The following ABCA12 variants were observed in gnomAD, a reference collection of about 807,000 sequenced individuals.
The protein encoded by ABCA12 is glucosylceramide transporter ABCA12.
In ABCA12, 156 loss-of-function variants were observed where a neutral mutation model predicts 293.5. The ratio of observed to expected loss-of-function variants is 0.53; its 90% CI spans 0.47 to 0.61. The LOEUF (loss-of-function observed/expected upper bound fraction) is 0.61, where lower values mean the gene tolerates loss of function less well. Among genes scored for constraint, ABCA12 ranks in the 20% least tolerant of loss-of-function variants. ABCA12 has a pLI of 0.00. For synonymous variants in ABCA12, 1,063 were observed against 1,108.0 expected, an observed-to-expected ratio of 0.96 and a Z score of 0.81; for missense variants, 2,797 against 3,090.2, an observed-to-expected ratio of 0.91 and a Z score of 2.25.
chr2:215,090,085 C>T (rs181031317), intron 2 of ABCA12, among the ~76,000 whole-genome samples: 2 of 152,282 alleles, frequency 1.3e-5, no homozygotes, highest in East Asian at 3.9e-4. Flanking sequence ...CAGAAGCTCT[C>T]CCACTGAGCT....
At chr2:214,958,142 A>T in intron 41 of ABCA12, 135 bp downstream of exon 41, 1 of 1,213,692 alleles carries the variant, frequency 8.2e-7, no homozygotes, top group Non-Finnish European at 1.2e-6. Context: ...GCCTGACTCA[A>T]GTCATTTTCT....
At chr2:214,941,781 CT>C (rs57664683) in intron 50 of ABCA12, among the ~76,000 whole-genome samples, 47 of 144,780 alleles carry the variant, frequency 3.2e-4, no homozygotes, top group Middle Eastern at 3.6e-3. Flanking sequence ...GCAACCCCTG[CT>C]TTTTTTTTTT....
chr2:215,057,319 A>C (rs556282174), intron 3 of ABCA12, among the ~76,000 whole-genome samples: 20 of 152,168 alleles, frequency 1.3e-4, no homozygotes, highest in African/African-American at 4.6e-4. Flanking sequence ...CCCTGTCATC[A>C]TAGGTACTCA....
intron 1 of ABCA12, among the ~76,000 whole-genome samples, chr2:215,116,348 G>T (rs375606218): frequency 1.3e-5 from 2 of 151,988 alleles, no homozygotes; most frequent in Non-Finnish European, 2.9e-5. Flanking sequence ...TTCAATACTC[G>T]ACATAGCTAA....
intron 39 of ABCA12, chr2:214,962,917 T>G (rs997903937): frequency 3.9e-5 from 6 of 152,092 alleles, no homozygotes; most frequent in Non-Finnish European, 8.8e-5. Flanking sequence ...GCAGCTAAAG[T>G]AGTGTTAAGA....
intron 37 of ABCA12, among the ~76,000 whole-genome samples, chr2:214,969,454 G>T (rs1365091367): frequency 6.6e-6 from 1 of 152,002 alleles, no homozygotes; most frequent in African/African-American, 2.4e-5. Context: ...GAATAATCTT[G>T]TGACTGTCAT....
At chr2:215,010,235 TAGAA>T (rs1241973576) in intron 18 of ABCA12, 92 bp downstream of exon 18, 1 of 1,437,118 alleles carries the variant, frequency 7.0e-7, no homozygotes, top group African/African-American at 1.4e-5. Context: ...GTAGGTAAGA[TAGAA>T]AGAAATCAGT....
chr2:215,134,351 T>C lies in ABCA12; in HGVS notation c.69+3789A>G, dbSNP rs538414956. ...ATATGTACATATATATGTATATGTG[T>C]ATATATGTATATGTGTATATATGTA... is the stretch of plus-strand genomic sequence containing the variant. On this transcript the variant is annotated intron_variant, in intron 1 of 52. Coordinates refer to ENST00000272895, the MANE Select transcript of ABCA12 (RefSeq NM_173076.3). Among the ~76,000 whole-genome samples, 22 of 144,388 alleles carry C rather than the reference T, an allele frequency of 1.5e-4. No individual in the cohort carries two copies. In the East Asian group the frequency reaches 3.7e-3, roughly 24 times the overall value. The allele number at this position is 144,388 out of a possible 152,430, so 94.7% of individuals were successfully genotyped here. A position where few individuals can be genotyped will look rare whatever the true frequency, so the allele number is the denominator to read the frequency against.
At chr2:214,992,636 C>T (rs1310550934) in intron 23 of ABCA12, among the ~76,000 whole-genome samples, 3 of 147,416 alleles carry the variant, frequency 2.0e-5, no homozygotes, top group Non-Finnish European at 3.0e-5. Context: ...CTGAGGCAAG[C>T]GGATCACCTG....
intron 2 of ABCA12, among the ~76,000 whole-genome samples, chr2:215,070,674 G>A (rs1701719977): frequency 6.6e-6 from 1 of 151,250 alleles, no homozygotes; most frequent in African/African-American, 2.4e-5. Flanking sequence ...TGAGAATGAT[G>A]ATTAAAAATT....
intron 2 of ABCA12, among the ~76,000 whole-genome samples, chr2:215,081,916 G>C (rs1252847030): frequency 6.6e-6 from 1 of 151,950 alleles, no homozygotes. Flanking sequence ...ATTGCGTTTT[G>C]TTACTAGAGG....
chr2:214,945,009 TGTG>T lies in ABCA12; in HGVS notation c.7332_7334del (p.Thr2445del). Reference sequence around the variant, plus strand: ...GATTCCACTCAGTTTACCTGTGAGATGTGAGGATGACGGAACATTTGTTCTGTA... The same window carrying T: ...GATTCCACTCAGTTTACCTGTGAGATAGGATGACGGAACATTTGTTCTGTA... On this transcript the variant is annotated inframe_deletion, in exon 49 of 53. Coordinates refer to ENST00000272895, the MANE Select transcript of ABCA12 (RefSeq NM_173076.3). 1 of 1,613,478 alleles carries T rather than the reference TGTG, an allele frequency of 6.2e-7. No individual in the cohort carries two copies. The highest frequency in any genetic ancestry group is 8.5e-7 in the Non-Finnish European group (1 of 1,179,698).
intron 19 of ABCA12, among the ~76,000 whole-genome samples, chr2:215,006,638 A>G (rs1042227743): frequency 3.9e-5 from 6 of 152,094 alleles, no homozygotes; most frequent in Non-Finnish European, 8.8e-5. Flanking sequence ...TGATCATACA[A>G]AAGGGCATTA....
At chr2:214,982,532 T>C in intron 29 of ABCA12, 149 bp from the exon 30 acceptor site, 1 of 634,454 alleles carries the variant, frequency 1.6e-6, no homozygotes, top group South Asian at 2.2e-5. Context: ...CATAATATAG[T>C]TTTCTATTAT....
chr2:214,984,687 C>T (rs6749710), intron 28 of ABCA12, among the ~76,000 whole-genome samples: 152,116 of 152,262 alleles, frequency 1, 75,986 homozygotes, highest in Middle Eastern at 1. Flanking sequence ...TAAATTCATA[C>T]ACTGGTTGCA....
At chr2:215,058,698 A>C (rs1232084580) in intron 3 of ABCA12, among the ~76,000 whole-genome samples, 1 of 152,008 alleles carries the variant, frequency 6.6e-6, no homozygotes, top group Non-Finnish European at 1.5e-5. Flanking sequence ...GGCCACATGC[A>C]CGGTACGATG....
chr2:215,057,520 T>G (rs901512737), intron 3 of ABCA12, among the ~76,000 whole-genome samples: 4 of 152,060 alleles, frequency 2.6e-5, no homozygotes, highest in Non-Finnish European at 5.9e-5. Flanking sequence ...AAGTATTTAC[T>G]AGTGATATGG....
chr2:214,983,915 G>C, intron 28 of ABCA12, 50 bp from the exon 29 acceptor site: 2 of 1,529,950 alleles, frequency 1.3e-6, no homozygotes, highest in African/African-American at 1.4e-5. Context: ...ATTGAAGCTA[G>C]ATATTAGGAA....
rs531467979 is a variant in ABCA12, at chr2:215,123,144, T to G, written c.70-11454A>C. ...TTTTTTATGGCTGTGTAGTATTCCA[T>G]GGTGCTTATATACCACATTTTCTTT... On this transcript the variant is annotated intron_variant, in intron 1 of 52. Coordinates refer to ENST00000272895, the MANE Select transcript of ABCA12 (RefSeq NM_173076.3). Among the ~76,000 whole-genome samples the G allele has an allele frequency of 1.1e-4, 16 of 152,276 alleles. No individual in the cohort carries two copies. In the East Asian group the frequency reaches 2.7e-3, roughly 26 times the overall value.
Sources: gnomAD v4.1 joint callset for allele counts (sites outside exome capture counted in the v4.1 genomes callset) on GRCh38, gnomAD v4.1.1 for gene constraint, MANE v1.5 for transcripts, NCBI Gene and HGNC (gene_info 2026-07-23, HGNC 2026-07-21) for gene names.